SMAD4: variants seen among roughly 807,000 people sequenced by gnomAD.
SMAD4 encodes SMAD family member 4.
Under a neutral mutation model 63.2 loss-of-function variants are expected in SMAD4, and 7 were observed. That is an observed-to-expected ratio of 0.11 (90% confidence interval 0.06 to 0.21). The LOEUF is 0.21. SMAD4 is among the 10% of genes least tolerant of loss of function. The pLI, the probability that SMAD4 is intolerant of heterozygous loss-of-function variation, is 1.00. For missense variants in SMAD4, 312 were observed against 693.8 expected (o/e 0.45, Z 6.18); for synonymous variants, 215 against 235.4 (o/e 0.91, Z 0.79).
intron 5 of SMAD4, 141 bp from the exon 6 acceptor site, chr18:51,057,984 T>C (rs1909885655): frequency 1.1e-6 from 1 of 946,224 alleles, no homozygotes; most frequent in Non-Finnish European, 1.7e-6. Context: ...GTTTTTTACC[T>C]GATAGGCCAT....
intron 2 of SMAD4, among the ~76,000 whole-genome samples, chr18:51,047,599 C>A (rs1045269374): frequency 4.0e-5 from 6 of 151,756 alleles, no homozygotes; most frequent in African/African-American, 1.5e-4. Flanking sequence ...ATTTTTGTAG[C>A]CTGTTGTTTT....
chr18:51,059,727 A>C (rs1326640027), intron 7 of SMAD4, 139 bp from the exon 8 acceptor site: 10 of 679,150 alleles, frequency 1.5e-5, no homozygotes, highest in Admixed American at 2.4e-5. Flanking sequence ...GTAAACTTTT[A>C]AGTTCTTAGA....
At chr18:51,070,482 TA>T (rs1668398584) in intron 10 of SMAD4, among the ~76,000 whole-genome samples, 1 of 152,206 alleles carries the variant, frequency 6.6e-6, no homozygotes, top group Non-Finnish European at 1.5e-5. Context: ...ACTAAGATTT[TA>T]AAATAATTAT....
chr18:51,041,857 G>T (rs1380894941), intron 1 of SMAD4, among the ~76,000 whole-genome samples: 1 of 152,184 alleles, frequency 6.6e-6, no homozygotes, highest in Middle Eastern at 3.2e-3. Flanking sequence ...TCTTTTGGGG[G>T]TTGGTTGTCA....
intron 1 of SMAD4, among the ~76,000 whole-genome samples, chr18:51,046,100 TG>T (rs1909534927): frequency 1.3e-5 from 2 of 152,182 alleles, no homozygotes; most frequent in African/African-American, 4.8e-5. Context: ...TGTGTGGACA[TG>T]GGTTTTCATT....
Position 51,080,821 on chromosome 18 carries a change from G to A in SMAD4, c.*2354G>A, listed in dbSNP as rs886053905. On this transcript the variant is annotated 3_prime_UTR_variant, in exon 12 of 12. Coordinates refer to ENST00000342988, the MANE Select transcript of SMAD4 (RefSeq NM_005359.6). ...CTCCCAAAGTGCTGGGATTACGGGC[G>A]TGAGCCACTGTCCCTGGCCTCATTG... is the stretch of plus-strand genomic sequence containing the variant. 7 of 176,642 alleles carry A rather than the reference G, an allele frequency of 4.0e-5. No individual in the cohort carries two copies. The East Asian group carries it at 5.8e-4, about 15-fold the overall frequency. The allele number at this position is 176,642 out of a possible 1,614,324, so 10.9% of individuals were successfully genotyped here.
chr18:51,073,514 GATAAT>G (rs1045628007), intron 10 of SMAD4, among the ~76,000 whole-genome samples: 1 of 150,408 alleles, frequency 6.6e-6, no homozygotes, highest in African/African-American at 2.4e-5. Context: ...ACTTCTAGAA[GATAAT>G]ATAAGAGAAA....
intron 1 of SMAD4, among the ~76,000 whole-genome samples, chr18:51,041,165 A>G (rs1909367862): frequency 6.6e-6 from 1 of 152,072 alleles, no homozygotes; most frequent in Non-Finnish European, 1.5e-5. Flanking sequence ...GCTGTTCTCC[A>G]GGCTCTCACT....
chr18:51,068,138 G>A (rs1443760663), intron 10 of SMAD4, among the ~76,000 whole-genome samples: 1 of 152,258 alleles, frequency 6.6e-6, no homozygotes, highest in African/African-American at 2.4e-5. Context: ...CCATAAAAAT[G>A]GAATTGCCTG....
intron 1 of SMAD4, among the ~76,000 whole-genome samples, chr18:51,041,933 T>C (rs1253687533): frequency 2.0e-5 from 3 of 152,220 alleles, no homozygotes; most frequent in Non-Finnish European, 4.4e-5. Flanking sequence ...CTATGAACTT[T>C]CCATGCTCCC....
At chr18:51,057,138 A>G (rs1007364612) in intron 5 of SMAD4, among the ~76,000 whole-genome samples, 4 of 152,188 alleles carry the variant, frequency 2.6e-5, no homozygotes, top group African/African-American at 4.8e-5. Context: ...AAAGAAAAGA[A>G]AAATATTCCT....
intron 11 of SMAD4, 60 bp from the exon 12 acceptor site, chr18:51,078,195 GT>G: frequency 1.5e-6 from 2 of 1,321,992 alleles, no homozygotes; most frequent in South Asian, 1.2e-5. Context: ...AATTTAGAAT[GT>G]AGGGAGGATG....
intron 1 of SMAD4, among the ~76,000 whole-genome samples, chr18:51,037,189 CAAA>C (rs982604755): frequency 6.6e-6 from 1 of 151,864 alleles, no homozygotes; most frequent in African/African-American, 2.4e-5. Context: ...CTCAAAAAAA[CAAA>C]AAAAGTTTTA....
intron 10 of SMAD4, among the ~76,000 whole-genome samples, chr18:51,074,240 G>A (rs1910413454): frequency 1.3e-5 from 2 of 151,546 alleles, no homozygotes; most frequent in Non-Finnish European, 2.9e-5. Context: ...AATTAGCCAG[G>A]CATGGTGGCA....
intron 9 of SMAD4, among the ~76,000 whole-genome samples, chr18:51,066,582 C>T (rs1334783269): frequency 6.6e-6 from 1 of 152,118 alleles, no homozygotes; most frequent in African/African-American, 2.4e-5. Context: ...TTGCACTGTC[C>T]AGTTCGGTAG....
chr18:51,054,330 C>T (rs1259319077), intron 4 of SMAD4: 2 of 183,550 alleles, frequency 1.1e-5, no homozygotes, highest in South Asian at 1.0e-4. Context: ...AGATCCCACT[C>T]ATATCTCCAC....
intron 4 of SMAD4, 185 bp from the exon 5 acceptor site, chr18:51,054,596 C>T: frequency 1.7e-6 from 1 of 586,954 alleles, no homozygotes; most frequent in Admixed American, 2.9e-5. Context: ...GCTGTTACCG[C>T]TGAATAAATG....
At chr18:51,045,516 G>C (rs1909517414) in intron 1 of SMAD4, among the ~76,000 whole-genome samples, 1 of 152,094 alleles carries the variant, frequency 6.6e-6, no homozygotes, top group South Asian at 2.1e-4. Flanking sequence ...CTGTTGAATG[G>C]ATTCTTTATT....
At chr18:51,076,802 A>G (rs764159041) in intron 11 of SMAD4, 26 bp downstream of exon 11, 16 of 1,560,514 alleles carry the variant, frequency 1.0e-5, no homozygotes, top group South Asian at 4.5e-5. Flanking sequence ...ATTCTTTTTT[A>G]AAGGTATAAT....
Sources: allele counts gnomAD v4.1 joint callset (sites outside exome capture counted in the v4.1 genomes callset), GRCh38; gene constraint gnomAD v4.1.1; transcripts MANE v1.5; gene names NCBI Gene and HGNC (gene_info 2026-07-23, HGNC 2026-07-21).